Variants in LRRFIP1 observed in about 807,000 individuals in gnomAD.
The protein encoded by LRRFIP1 is leucine-rich repeat flightless-interacting protein 1.
Under a neutral mutation model 104.4 loss-of-function variants are expected in LRRFIP1, and 62 were observed. The ratio of observed to expected loss-of-function variants is 0.59; its 90% confidence interval spans 0.48 to 0.73. The LOEUF (loss-of-function observed/expected upper bound fraction) is 0.73. Among genes scored for constraint, LRRFIP1 ranks in the 30% least tolerant of loss-of-function variants. LRRFIP1 has a pLI of 0.00. For missense variants in LRRFIP1, 796 were observed against 824.5 expected, an observed-to-expected ratio of 0.97 and a Z score of 0.42; for synonymous variants, 300 against 299.0, an observed-to-expected ratio of 1.00 and a Z score of -0.03.
In LRRFIP1 at chr2:237,717,584, AC is replaced by A. The variant is rs1464203249; in HGVS notation, c.202-177del. ...CACAGCTCACAGCCTGCATGACTGC[AC>A]GGGTGGCGGTCCCTGTGGAGAAGCC... On this transcript the variant is annotated intron_variant, in intron 3 of 23. Coordinates refer to ENST00000308482, the MANE Select transcript of LRRFIP1 (RefSeq NM_001137550.2). This position sits in a 1 kb window ranked among gnomAD's most constrained non-coding sequence, Gnocchi z 4.2. Among the ~76,000 whole-genome samples, 1 of 152,170 alleles carries A rather than the reference AC, an allele frequency of 6.6e-6. No homozygotes were observed. The highest frequency in any genetic ancestry group is 2.4e-5 in the African/African-American group (1 of 41,454).
In LRRFIP1 at chr2:237,694,168, C is replaced by G. The variant is rs557984949; in HGVS notation, c.97-14376C>G. Among the ~76,000 whole-genome samples the G allele has an allele frequency of 3.9e-5, 6 of 152,312 alleles. No homozygotes were observed. In the South Asian group the frequency reaches 1.0e-3, roughly 26 times the overall value. ...ATCCCTCTGAGTGTGAATTTTCTTA[C>G]GTTTCTCTGCAGTCTTGTTGATGTC... On this transcript the variant is annotated intron_variant, in intron 1 of 23. Coordinates refer to ENST00000308482, the MANE Select transcript of LRRFIP1 (RefSeq NM_001137550.2).
At chr2:237,726,697 T>C (rs570919913) in intron 7 of LRRFIP1, among the ~76,000 whole-genome samples, 3 of 152,378 alleles carry the variant, frequency 2.0e-5, no homozygotes, top group Non-Finnish European at 4.4e-5. Context: ...TGATGGCGTC[T>C]CCTTCCATTT....
At chr2:237,733,662 T>A (rs1354675145) in intron 8 of LRRFIP1, 112 bp from the exon 9 acceptor site, 2 of 1,044,312 alleles carry the variant, frequency 1.9e-6, no homozygotes, top group African/African-American at 1.6e-5. Context: ...GTTTAACCAC[T>A]GTACAGCAGT....
At chr2:237,730,786 C>T (rs1407329952) in intron 8 of LRRFIP1, among the ~76,000 whole-genome samples, 1 of 152,184 alleles carries the variant, frequency 6.6e-6, no homozygotes, top group Non-Finnish European at 1.5e-5. Flanking sequence ...GGTGCGGTGG[C>T]ACATGCCTGT....
intron 8 of LRRFIP1, among the ~76,000 whole-genome samples, chr2:237,730,895 G>A (rs2094971375): frequency 6.6e-6 from 1 of 151,934 alleles, no homozygotes; most frequent in Non-Finnish European, 1.5e-5. Flanking sequence ...TCCAGCCTGG[G>A]CGACAGAGTG....
intron 1 of LRRFIP1, among the ~76,000 whole-genome samples, chr2:237,678,537 ACT>A (rs1264797600): frequency 6.6e-6 from 1 of 151,836 alleles, no homozygotes; most frequent in African/African-American, 2.4e-5. Context: ...ACAGAGTCTC[ACT>A]CTGTCACCCA....
At chr2:237,749,105 C>T (rs1576214570) in intron 12 of LRRFIP1, 94 bp from the exon 13 acceptor site, 1 of 1,373,968 alleles carries the variant, frequency 7.3e-7, no homozygotes, top group East Asian at 2.5e-5. Flanking sequence ...CGTCCCTCAT[C>T]TTGTGGGGAT....
rs911117557 is a variant in LRRFIP1 at position 237,691,833 on chromosome 2, G to A, written c.97-16711G>A. Among the ~76,000 whole-genome samples the A allele has an allele frequency of 6.6e-5, 10 of 152,292 alleles. No individual in the cohort carries two copies. The highest frequency in any genetic ancestry group is 2.4e-4 in the African/African-American group (10 of 41,572). ...TCCTCCAGGTCCTCTTTCCGGCGGG[G>A]GCCGGAGGGGTGGTGATGGACAGCC... On this transcript the variant is annotated intron_variant, in intron 1 of 23. Transcript: ENST00000308482. The surrounding 1 kb of genome is among the most constrained non-coding windows in gnomAD (Gnocchi z 5.4).
intron 19 of LRRFIP1, chr2:237,762,824 G>A: frequency 6.2e-7 from 1 of 1,614,180 alleles, no homozygotes; most frequent in South Asian, 1.1e-5. Flanking sequence ...TGAGGAACAG[G>A]TTCAAAGCCA....
At chr2:237,643,183 C>T (rs2084293250) in intron 1 of LRRFIP1, among the ~76,000 whole-genome samples, 1 of 152,246 alleles carries the variant, frequency 6.6e-6, no homozygotes, top group South Asian at 2.1e-4. Context: ...TGCTCATGGG[C>T]CACAGGGCCG....
chr2:237,692,800 G>C (rs971182988), intron 1 of LRRFIP1, among the ~76,000 whole-genome samples: 1 of 152,282 alleles, frequency 6.6e-6, no homozygotes, highest in South Asian at 2.1e-4. Context: ...GTGATGGGCT[G>C]CAGACAGGCT....
intron 19 of LRRFIP1, among the ~76,000 whole-genome samples, chr2:237,761,262 A>C (rs1031468716): frequency 1.3e-4 from 20 of 152,238 alleles, no homozygotes; most frequent in African/African-American, 4.6e-4. Context: ...GCAGTGGCTC[A>C]CACTTCTAAT....
intron 1 of LRRFIP1, among the ~76,000 whole-genome samples, chr2:237,680,310 A>C (rs2091664896): frequency 4.6e-5 from 7 of 152,212 alleles, no homozygotes; most frequent in Admixed American, 4.6e-4. Context: ...TGGTCAACAC[A>C]GTGAGGCCCC....
intron 1 of LRRFIP1, among the ~76,000 whole-genome samples, chr2:237,636,410 A>G (rs2083132985): frequency 6.9e-6 from 1 of 143,896 alleles, no homozygotes; most frequent in Non-Finnish European, 1.5e-5. Flanking sequence ...CAACTTTACC[A>G]TCCACTCCCT....
Position 237,691,570 on chromosome 2 carries a change from C to T in LRRFIP1, c.97-16974C>T, listed in dbSNP as rs2092755608. Among the ~76,000 whole-genome samples the T allele has an allele frequency of 6.6e-6, 1 of 152,224 alleles. No individual in the cohort carries two copies. Among genetic ancestry groups the T allele is most frequent in the African/African-American group, 2.4e-5 (1 of 41,460 alleles). ...GATGCCGCGTTAGTGGGGTGCCCGG[C>T]CGGCAGGTGCAGCGGTGCTGGGGCC... On this transcript the variant is annotated intron_variant, in intron 1 of 23. Coordinates refer to ENST00000308482, the MANE Select transcript of LRRFIP1 (RefSeq NM_001137550.2). The surrounding 1 kb of genome is among the most constrained non-coding windows in gnomAD (Gnocchi z 5.4).
intron 22 of LRRFIP1, 52 bp from the exon 23 acceptor site, chr2:237,774,302 GAAGA>G: frequency 9.7e-7 from 1 of 1,034,192 alleles, no homozygotes; most frequent in South Asian, 1.4e-5. Context: ...TAAAGAAACT[GAAGA>G]AAGAAAACAG....
rs1277938207 is a variant in LRRFIP1, at chr2:237,711,425, T to A, written c.183+2795T>A. Among the ~76,000 whole-genome samples the A allele has an allele frequency of 6.6e-6, 1 of 152,078 alleles. No homozygotes were observed. The highest frequency in any genetic ancestry group is 1.5e-5 in the Non-Finnish European group (1 of 67,994). On this transcript the variant is annotated intron_variant, in intron 2 of 23. Transcript: ENST00000308482. The surrounding 1 kb of genome is among the most constrained non-coding windows in gnomAD (Gnocchi z 4.4). ...GCGGAACATCCGCCACTGAGAGCGG[T>A]GGTTTTGGTCTGTGCTCTCACCAGC...
chr2:237,667,800 C>G (rs747670224), intron 1 of LRRFIP1, among the ~76,000 whole-genome samples: 26 of 151,116 alleles, frequency 1.7e-4, no homozygotes, highest in Non-Finnish European at 2.7e-4. Flanking sequence ...GTTGTGTTCC[C>G]GGCACAGGAC....
chr2:237,731,472 A>C, intron 8 of LRRFIP1, among the ~76,000 whole-genome samples: 1 of 149,700 alleles, frequency 6.7e-6, no homozygotes, highest in African/African-American at 2.5e-5. Context: ...AAATCCCCCC[A>C]CTGTAAGCTG....
Sources: gnomAD v4.1 joint callset for allele counts (sites outside exome capture counted in the v4.1 genomes callset) on GRCh38, gnomAD v4.1.1 for gene constraint, Gnocchi (gnomAD v3.1) non-coding constraint, MANE v1.5 for transcripts, NCBI Gene and HGNC (gene_info 2026-07-23, HGNC 2026-07-21) for gene names.